The following JADE2 variants were observed in gnomAD, a reference collection of about 807,000 sequenced individuals.
The protein encoded by JADE2 is jade family PHD finger 2, also known as E3 ubiquitin-protein ligase Jade-2.
In JADE2, 13 loss-of-function variants were observed where a neutral mutation model predicts 85.7. That is an observed-to-expected ratio of 0.15 (90% CI 0.10 to 0.24). JADE2 has a LOEUF of 0.24. Ranked by LOEUF, JADE2 falls within the 10% of genes least tolerant of loss-of-function variation. The pLI is 1.00. For synonymous variants in JADE2, 440 were observed against 456.1 expected (o/e 0.96, Z 0.45); for missense variants, 846 against 1,115.9 (o/e 0.76, Z 3.45).
intron 5 of JADE2, 94 bp downstream of exon 5, chr5:134,560,084 G>T: frequency 1.4e-6 from 2 of 1,403,642 alleles, no homozygotes; most frequent in African/African-American, 1.4e-5. Context: ...CAGGGCTATG[G>T]TATGGCATGG....
rs114272234 is a variant in JADE2, at chr5:134,566,650, T to C, written c.1434+70T>C. 3.6e-3 allele frequency: 4,234 copies of C among 1,170,048 alleles called. 94 individuals are homozygous for C. In the African/African-American group the frequency reaches 0.051, roughly 14 times the overall value. 72.5% of individuals were successfully genotyped at this position (1,170,048 alleles called of 1,614,324 possible). A position where few individuals can be genotyped will look rare whatever the true frequency, so the allele number is the denominator to read the frequency against. ...GGAGTCCTTTCCATGCCACACTCAC[T>C]GCCCTGGAGCAGCTAGGACTCACCA... On this transcript the variant is annotated intron_variant, in intron 9 of 11. Transcript: ENST00000681547. The surrounding 1 kb of genome is among the most constrained non-coding windows in gnomAD (Gnocchi z 6.7).
At chr5:134,526,503 T>G (rs1224716705) in intron 1 of JADE2, 2 of 984,516 alleles carry the variant, frequency 2.0e-6, no homozygotes, top group African/African-American at 1.8e-5. Flanking sequence ...TCTCCCCGAG[T>G]TTCATTTTGT....
In JADE2 at chr5:134,559,864, G is replaced by A; in HGVS notation, c.346G>A (p.Ala116Thr). The change falls in exon 5 of 12, where the codon GCA becomes ACA. Residue 116 changes from alanine to threonine, a missense_variant. Physicochemically the swap from Ala to Thr is moderately conservative, Grantham distance 58. Transcript: ENST00000681547. ...LPPLEGPPAQASPSSTMLGEG... is the reference protein window; with the variant it reads ...LPPLEGPPAQTSPSSTMLGEG... Reference sequence around the variant, plus strand: ...ACCACTGGAAGGCCCCCCTGCCCAGGCATCCCCGAGCAGCACCATGCTTGG... The same window carrying A: ...ACCACTGGAAGGCCCCCCTGCCCAGACATCCCCGAGCAGCACCATGCTTGG... 1 of 1,612,586 alleles carries A rather than the reference G, an allele frequency of 6.2e-7. No individual in the cohort carries two copies. Among genetic ancestry groups the A allele is most frequent in the Non-Finnish European group, 8.5e-7 (1 of 1,179,376 alleles).
chr5:134,576,913 C>G lies in JADE2; in HGVS notation c.1681+17C>G, dbSNP rs904103522. 2 of 1,525,710 alleles carry G rather than the reference C, an allele frequency of 1.3e-6. No individual in the cohort carries two copies. Among genetic ancestry groups the G allele is most frequent in the African/African-American group, 2.8e-5 (2 of 72,612 alleles). 94.5% of individuals were successfully genotyped at this position (1,525,710 alleles called of 1,614,324 possible). ...GGCAGCTGGGTGAGTGAGGGCCATG[C>G]TGGCCTGCAGACACGGCAGGCTTGA... On this transcript the variant is annotated intron_variant, in intron 11 of 11. Coordinates refer to ENST00000681547, the MANE Select transcript of JADE2 (RefSeq NM_001388185.1).
At chr5:134,544,638 A>T (rs1169603970) in intron 3 of JADE2, 1 of 165,150 alleles carries the variant, frequency 6.1e-6, no homozygotes, top group African/African-American at 2.4e-5. Flanking sequence ...GCTCCTCTAT[A>T]GGCTGTGGTG....
At position 134,569,441 on chromosome 5, in the gene JADE2, T is replaced by C. The variant is rs530092335; in HGVS notation, c.1434+2861T>C. ...TTTCCTAAAATTTCAGCCTTGGGCC[T>C]CGGCCCCAGCGGACGCTCGGAAGGC... On this transcript the variant is annotated intron_variant, in intron 9 of 11. Coordinates refer to ENST00000681547, the MANE Select transcript of JADE2 (RefSeq NM_001388185.1). Among the ~76,000 whole-genome samples the C allele has an allele frequency of 4.6e-5, 7 of 152,326 alleles. No homozygotes were observed. The South Asian group carries it at 1.5e-3, about 32-fold the overall frequency.
Position 134,566,821 on chromosome 5 carries a change from T to A in JADE2, c.1434+241T>A, listed in dbSNP as rs1391835405. ...CAGTTCTTGAGTCTCCGAGTCCCTC[T>A]TGTCCTAGCCCTGTCACAGGCCTGG... is the stretch of plus-strand genomic sequence containing the variant. On this transcript the variant is annotated intron_variant, in intron 9 of 11. Coordinates refer to ENST00000681547, the MANE Select transcript of JADE2 (RefSeq NM_001388185.1). The surrounding 1 kb of genome is among the most constrained non-coding windows in gnomAD (Gnocchi z 6.7). Among the ~76,000 whole-genome samples the A allele has an allele frequency of 6.6e-6, 1 of 152,204 alleles. No individual in the cohort carries two copies. The highest frequency in any genetic ancestry group is 2.4e-5 in the African/African-American group (1 of 41,456).
chr5:134,526,592 C>G (rs1760838053), intron 1 of JADE2: 1 of 985,326 alleles, frequency 1.0e-6, no homozygotes, highest in Non-Finnish European at 1.2e-6. Context: ...TGCAGCCGGT[C>G]CGGTCCCAGA....
chr5:134,550,863 G>A (rs766032757), intron 3 of JADE2, among the ~76,000 whole-genome samples: 10 of 152,336 alleles, frequency 6.6e-5, no homozygotes, highest in South Asian at 2.1e-4. Flanking sequence ...GACCACTCAT[G>A]GCTTTGCTCT....
At chr5:134,550,268 CCAGGG>C (rs2149928478) in intron 3 of JADE2, among the ~76,000 whole-genome samples, 1 of 152,266 alleles carries the variant, frequency 6.6e-6, no homozygotes, top group East Asian at 1.9e-4. Flanking sequence ...CTTTTTCAAG[CCAGGG>C]CTGTCTCCAT....
Position 134,551,028 on chromosome 5 carries a change from T to C in JADE2, c.154-1024T>C, listed in dbSNP as rs1302788371. Among the ~76,000 whole-genome samples the C allele has an allele frequency of 2.6e-5, 4 of 152,068 alleles. No individual in the cohort carries two copies. The East Asian group carries it at 7.7e-4, about 29-fold the overall frequency. ...AGTCCCAGCTCATGTGAAGCCACTA[T>C]CTAGGCTGCCCTAAGCCCCGGCCGT... On this transcript the variant is annotated intron_variant, in intron 3 of 11. Transcript: ENST00000681547.
At chr5:134,576,506 C>T (rs930276630) in intron 10 of JADE2, among the ~76,000 whole-genome samples, 2 of 152,224 alleles carry the variant, frequency 1.3e-5, no homozygotes, top group African/African-American at 4.8e-5. Context: ...CCCAAGACTA[C>T]AGGTTGTGCA....
intron 1 of JADE2, among the ~76,000 whole-genome samples, chr5:134,529,998 AG>A (rs766702015): frequency 1.4e-4 from 21 of 152,374 alleles, no homozygotes; most frequent in Non-Finnish European, 2.5e-4. Context: ...AGGAGGGTTC[AG>A]GCTCCTCTAG....
At position 134,526,665 on chromosome 5, in the gene JADE2, GC is replaced by G. The variant is rs1324663839; in HGVS notation, c.-1+655del. The G allele has an allele frequency of 1.1e-5, 11 of 985,304 alleles. No individual in the cohort carries two copies. The African/African-American group carries it at 1.9e-4, about 17-fold the overall frequency. 61.0% of individuals were successfully genotyped at this position (985,304 alleles called of 1,614,324 possible). On this transcript the variant is annotated intron_variant, in intron 1 of 11. Coordinates refer to ENST00000681547, the MANE Select transcript of JADE2 (RefSeq NM_001388185.1). ...CTCTCCCGGCCCGGTGCACGCGGGCGCTGCACGCGGGGGCAGCATGCTCGGC... is the reference window on the plus strand; with the variant it reads ...CTCTCCCGGCCCGGTGCACGCGGGCGTGCACGCGGGGGCAGCATGCTCGGC...
chr5:134,548,559 A>G (rs1382142421), intron 3 of JADE2, among the ~76,000 whole-genome samples: 1 of 152,220 alleles, frequency 6.6e-6, no homozygotes, highest in Non-Finnish European at 1.5e-5. Context: ...CCTGCCTGCT[A>G]GAGCCCGTAG....
At chr5:134,568,245 CTG>C (rs915787166) in intron 9 of JADE2, among the ~76,000 whole-genome samples, 2 of 152,214 alleles carry the variant, frequency 1.3e-5, no homozygotes, top group African/African-American at 4.8e-5. Flanking sequence ...GATGAGGAAA[CTG>C]GGGCTCGGAG....
rs1051873251 is a variant in JADE2 at position 134,573,454 on chromosome 5, C to T, written c.1435-191C>T. On this transcript the variant is annotated intron_variant, in intron 9 of 11. Transcript: ENST00000681547. The stretch of plus-strand genomic sequence containing the variant: ...TGTGTTTGGCCTTAGGTTTTGGATC[C>T]GAGACATGCAGCACAGGGCTGAGGA... Among the ~76,000 whole-genome samples the T allele has an allele frequency of 6.6e-5, 10 of 152,224 alleles. No individual in the cohort carries two copies. The South Asian group carries it at 1.2e-3, about 19-fold the overall frequency.
chr5:134,579,573 C>G lies in JADE2; in HGVS notation c.*256C>G. On this transcript the variant is annotated 3_prime_UTR_variant, in exon 12 of 12. Coordinates refer to ENST00000681547, the MANE Select transcript of JADE2 (RefSeq NM_001388185.1). This position sits in a 1 kb window ranked among gnomAD's most constrained non-coding sequence, Gnocchi z 4.6. Reference sequence around the variant, plus strand: ...CCAGGTCCCGCGCACCATCCCTGCCCTGCCCACGTGGTATTGCTGGGCTCC... The same window carrying G: ...CCAGGTCCCGCGCACCATCCCTGCCGTGCCCACGTGGTATTGCTGGGCTCC... 1 of 480,464 alleles carries G rather than the reference C, an allele frequency of 2.1e-6. No homozygotes were observed. Among genetic ancestry groups the G allele is most frequent in the Non-Finnish European group, 3.7e-6 (1 of 269,600 alleles). 29.8% of individuals were successfully genotyped at this position (480,464 alleles called of 1,614,324 possible).
In JADE2 at chr5:134,564,548, C is replaced by T; in HGVS notation, c.907C>T (p.Pro303Ser). 1 of 1,577,446 alleles carries T rather than the reference C, an allele frequency of 6.3e-7. No individual in the cohort carries two copies. Reference protein sequence around the residue: ...MEPITKISHIPASRWALSCSL... With the variant: ...MEPITKISHISASRWALSCSL... ...GCCCATCACCAAGATCTCGCATATC[C>T]CAGCCAGCCGCTGGGCTCTGTCCTG... Residue 303 changes from proline to serine, a missense_variant, in exon 8 of 12, where the codon CCA becomes TCA. Physicochemically the swap from Pro to Ser is moderately conservative, Grantham distance 74. Around this residue, in one of 9 missense-constraint regions of JADE2, gnomAD observed 129 missense variants for 255.4 expected, o/e 0.51. Transcript: ENST00000681547.
Sources: gnomAD v4.1 joint callset for allele counts (sites outside exome capture counted in the v4.1 genomes callset) on GRCh38, gnomAD v4.1.1 for gene constraint, gnomAD v4.1.1 regional missense constraint, Gnocchi (gnomAD v3.1) non-coding constraint, MANE v1.5 for transcripts, NCBI Gene and HGNC (gene_info 2026-07-23, HGNC 2026-07-21) for gene names.